Variants in ITSN1 observed in about 807,000 individuals in gnomAD.
The protein encoded by ITSN1 is intersectin-1.
In ITSN1, 58 loss-of-function variants were observed where a neutral mutation model predicts 239.8. The ratio of observed to expected loss-of-function variants is 0.24; its 90% CI spans 0.20 to 0.30. ITSN1 has a LOEUF of 0.30. ITSN1 is among the 10% of genes least tolerant of loss of function. The probability of loss-of-function intolerance (pLI) is 1.00; values close to 1 mark genes in which losing one functional copy is unlikely to be tolerated. For missense variants in ITSN1, 1,558 were observed against 2,103.3 expected (o/e 0.74, Z 5.07); for synonymous variants, 780 against 770.8 (o/e 1.01, Z -0.20).
chr21:33,849,164 G>T (rs569223683), intron 29 of ITSN1, among the ~76,000 whole-genome samples: 5 of 152,262 alleles, frequency 3.3e-5, no homozygotes, highest in Non-Finnish European at 7.3e-5. Context: ...CTTGAACTCA[G>T]GAGGCGGAGG....
intron 13 of ITSN1, 33 bp from the exon 14 acceptor site, chr21:33,774,935 G>C: frequency 6.2e-7 from 1 of 1,602,898 alleles, no homozygotes; most frequent in Non-Finnish European, 8.5e-7. Context: ...ATTAAAAACA[G>C]TAATAATTTT....
chr21:33,885,940 C>T (rs1985722387), intron 38 of ITSN1, among the ~76,000 whole-genome samples: 1 of 150,866 alleles, frequency 6.6e-6, no homozygotes, highest in Non-Finnish European at 1.5e-5. Flanking sequence ...GGCATGGTGG[C>T]TCACACCTGT....
chr21:33,661,209 T>G (rs1047296600), intron 1 of ITSN1, among the ~76,000 whole-genome samples: 17 of 149,228 alleles, frequency 1.1e-4, no homozygotes, highest in East Asian at 4.0e-4. Context: ...TTTTTTTGGT[T>G]GTTGTTTTGC....
At chr21:33,679,502 C>T (rs1024709759) in intron 1 of ITSN1, among the ~76,000 whole-genome samples, 2 of 152,148 alleles carry the variant, frequency 1.3e-5, no homozygotes, top group Non-Finnish European at 2.9e-5. Context: ...TCAGTAAATA[C>T]AAAGAGATTG....
intron 29 of ITSN1, among the ~76,000 whole-genome samples, chr21:33,840,217 G>T (rs940529413): frequency 2.6e-5 from 4 of 152,162 alleles, no homozygotes; most frequent in African/African-American, 9.7e-5. Context: ...ATTCACAAGA[G>T]AATCTGGTTA....
At chr21:33,711,464 AT>A (rs1199212652) in intron 1 of ITSN1, among the ~76,000 whole-genome samples, 1 of 151,386 alleles carries the variant, frequency 6.6e-6, no homozygotes, top group African/African-American at 2.4e-5. Flanking sequence ...TATTGTTTAG[AT>A]TACTAACATT....
intron 20 of ITSN1, among the ~76,000 whole-genome samples, chr21:33,804,529 A>T (rs754167319): frequency 6.6e-6 from 1 of 152,214 alleles, no homozygotes; most frequent in Non-Finnish European, 1.5e-5. Flanking sequence ...GTGTAAAGTG[A>T]TGTGCTCAGG....
intron 30 of ITSN1, among the ~76,000 whole-genome samples, chr21:33,857,932 G>A (rs1373282273): frequency 3.3e-5 from 5 of 152,144 alleles, no homozygotes; most frequent in African/African-American, 9.7e-5. Context: ...AGTTTATGTC[G>A]AAGATGGGCT....
At chr21:33,702,605 G>A (rs892136085) in intron 1 of ITSN1, among the ~76,000 whole-genome samples, 5 of 152,040 alleles carry the variant, frequency 3.3e-5, no homozygotes, top group South Asian at 2.1e-4. Flanking sequence ...ATTCAACTTA[G>A]TATTTATGTG....
chr21:33,819,983 C>T (rs182733912), intron 24 of ITSN1, among the ~76,000 whole-genome samples: 185 of 151,996 alleles, frequency 1.2e-3, no homozygotes, highest in Non-Finnish European at 1.8e-3. Flanking sequence ...AGCGAGACTC[C>T]GTCTCAAAAA....
intron 27 of ITSN1, among the ~76,000 whole-genome samples, chr21:33,830,777 G>A (rs542891632): frequency 2.6e-5 from 4 of 152,060 alleles, no homozygotes; most frequent in African/African-American, 7.2e-5. Context: ...TAACTGTACT[G>A]TGGTTATATA....
intron 1 of ITSN1, among the ~76,000 whole-genome samples, chr21:33,693,948 C>G (rs1312087041): frequency 6.6e-6 from 1 of 152,154 alleles, no homozygotes; most frequent in Non-Finnish European, 1.5e-5. Flanking sequence ...GTTTCTGTGT[C>G]TTAAACACAA....
intron 1 of ITSN1, among the ~76,000 whole-genome samples, chr21:33,672,190 C>CT (rs1310160416): frequency 4.0e-5 from 6 of 151,392 alleles, no homozygotes; most frequent in African/African-American, 1.5e-4. Context: ...TTACGGTGAG[C>CT]TGGGCAACAA....
intron 4 of ITSN1, among the ~76,000 whole-genome samples, chr21:33,724,433 C>T (rs944115561): frequency 2.0e-5 from 3 of 152,176 alleles, no homozygotes; most frequent in East Asian, 1.9e-4. Context: ...AAAGTTTAAA[C>T]GCAAGAGACC....
At chr21:33,709,523 T>C (rs955433146) in intron 1 of ITSN1, among the ~76,000 whole-genome samples, 4 of 152,134 alleles carry the variant, frequency 2.6e-5, no homozygotes, top group African/African-American at 9.7e-5. Flanking sequence ...CTCAGGTGAC[T>C]CACCCGCCTT....
chr21:33,658,913 T>A (rs2089317873), intron 1 of ITSN1, among the ~76,000 whole-genome samples: 1 of 152,192 alleles, frequency 6.6e-6, no homozygotes, highest in Non-Finnish European at 1.5e-5. Context: ...TTCTTATTCA[T>A]AATGAGTCCT....
intron 22 of ITSN1, among the ~76,000 whole-genome samples, chr21:33,816,330 A>G (rs1245486996): frequency 6.6e-6 from 1 of 152,140 alleles, no homozygotes; most frequent in Non-Finnish European, 1.5e-5. Flanking sequence ...CACCACTGTT[A>G]TTTCTATCAT....
intron 1 of ITSN1, among the ~76,000 whole-genome samples, chr21:33,710,869 G>A (rs1321786184): frequency 3.3e-5 from 5 of 150,040 alleles, no homozygotes; most frequent in African/African-American, 4.9e-5. Context: ...GCAGTGCTGC[G>A]ATCTCGGCTC....
intron 37 of ITSN1, 90 bp from the exon 38 acceptor site, chr21:33,885,349 A>C (rs1985609547): frequency 8.1e-7 from 1 of 1,228,828 alleles, no homozygotes; most frequent in Admixed American, 1.7e-5. Context: ...GAGTCGGGAG[A>C]GGTACATGAA....
Sources: gnomAD v4.1 joint callset for allele counts (sites outside exome capture counted in the v4.1 genomes callset) on GRCh38, gnomAD v4.1.1 for gene constraint, MANE v1.5 for transcripts, NCBI Gene and HGNC (gene_info 2026-07-23, HGNC 2026-07-21) for gene names.